The following CREBBP variants were observed in gnomAD, a reference collection of about 807,000 sequenced individuals.
The protein encoded by CREBBP is CREB-binding protein.
In CREBBP, 19 loss-of-function variants were observed where a neutral mutation model predicts 265.0. The observed-to-expected ratio is 0.07, with a 90% CI of 0.05 to 0.11. CREBBP has a LOEUF of 0.11. Ranked by LOEUF, CREBBP falls within the 10% of genes least tolerant of loss-of-function variation. The probability of loss-of-function intolerance (pLI) is 1.00; values close to 1 mark genes in which losing one functional copy is unlikely to be tolerated. For synonymous variants in CREBBP, 1,457 were observed against 1,223.7 expected (o/e 1.19, Z -3.98); for missense variants, 2,525 against 3,219.0 (o/e 0.78, Z 5.22).
At position 3,849,436 on chromosome 16, in the gene CREBBP, T is replaced by TG. The variant is rs1567360344; in HGVS notation, c.798+860dup. Reference sequence around the variant, plus strand: ...GTGTGTGTGTGTGTGTGTGTGTGTGTGTGTGTGTGTGTGTGTGTGTGTGTG... The same window carrying TG: ...GTGTGTGTGTGTGTGTGTGTGTGTGTGGTGTGTGTGTGTGTGTGTGTGTGTG... On this transcript the variant is annotated intron_variant, in intron 2 of 30. Transcript: ENST00000262367. Among the ~76,000 whole-genome samples, 59 of 11,400 alleles carry TG rather than the reference T, an allele frequency of 5.2e-3. 2 individuals are homozygous for TG. The highest frequency in any genetic ancestry group is 0.031 in the East Asian group (2 of 64). The allele number at this position is 11,400 out of a possible 152,430, so 7.5% of individuals were successfully genotyped here. A position where few individuals can be genotyped will look rare whatever the true frequency, so the allele number is the denominator to read the frequency against.
intron 1 of CREBBP, among the ~76,000 whole-genome samples, chr16:3,851,592 A>T (rs2540037): frequency 2.6e-5 from 4 of 151,916 alleles, no homozygotes; most frequent in Admixed American, 6.6e-5. Context: ...TGGTGGCTCA[A>T]GCCTGTAATC....
chr16:3,755,598 T>C (rs1339814300), intron 19 of CREBBP, among the ~76,000 whole-genome samples: 1 of 152,132 alleles, frequency 6.6e-6, no homozygotes, highest in Non-Finnish European at 1.5e-5. Context: ...AATACATTAA[T>C]ACATCATGGG....
intron 2 of CREBBP, among the ~76,000 whole-genome samples, chr16:3,844,667 A>G (rs2054629612): frequency 6.6e-6 from 1 of 152,342 alleles, no homozygotes; most frequent in South Asian, 2.1e-4. Flanking sequence ...TAAAAGTATC[A>G]ATAATGCAAA....
chr16:3,770,484 C>A, intron 14 of CREBBP, 86 bp downstream of exon 14: 2 of 1,475,624 alleles, frequency 1.4e-6, no homozygotes, highest in South Asian at 2.3e-5. Context: ...GTGTGAACCA[C>A]CGCGCCTGGC....
rs576139862 is a variant in CREBBP at position 3,799,482 on chromosome 16, C to T, written c.976-5856G>A. Among the ~76,000 whole-genome samples, 6 of 152,212 alleles carry T rather than the reference C, an allele frequency of 3.9e-5. No homozygotes were observed. The East Asian group carries it at 7.7e-4, about 20-fold the overall frequency. On this transcript the variant is annotated intron_variant, in intron 3 of 30. Coordinates refer to ENST00000262367, the MANE Select transcript of CREBBP (RefSeq NM_004380.3). ...GCAATTCTCAAGTACTCTGGCAATT[C>T]GGTGTAATTTTGGAAAGCAACATGT...
intron 8 of CREBBP, among the ~76,000 whole-genome samples, chr16:3,779,979 G>T (rs892265614): frequency 6.6e-6 from 1 of 151,994 alleles, no homozygotes; most frequent in South Asian, 2.1e-4. Context: ...CGGGTGCGGT[G>T]GCTCATAACC....
intron 1 of CREBBP, among the ~76,000 whole-genome samples, chr16:3,862,692 G>A (rs2055101662): frequency 6.6e-6 from 1 of 151,990 alleles, no homozygotes; most frequent in Non-Finnish European, 1.5e-5. Context: ...CCAAAGTGAC[G>A]CCCTTCCCAC....
chr16:3,757,338 C>T lies in CREBBP; in HGVS notation c.3648G>A (p.Lys1216=), dbSNP rs1164145410. The T allele has an allele frequency of 6.2e-7, 1 of 1,613,838 alleles. No individual in the cohort carries two copies. Among genetic ancestry groups the T allele is most frequent in the Non-Finnish European group, 8.5e-7 (1 of 1,179,968 alleles). Residue 1216 remains lysine, a synonymous_variant, in exon 19 of 31, where the codon AAG becomes AAA. Coordinates refer to ENST00000262367, the MANE Select transcript of CREBBP (RefSeq NM_004380.3). ...CATCGCGAGGAATGGTACACAGCTGCTTCCCATAGCAGCACAAAGTCTGTG... is the reference window on the plus strand; with the variant it reads ...CATCGCGAGGAATGGTACACAGCTGTTTCCCATAGCAGCACAAAGTCTGTG... ...FSPQTLCCYG[K]QLCTIPRDAA...
rs372048515 is a variant in CREBBP, at chr16:3,831,708, G to C, written c.798+18589C>G. ...AAATTCTATCCAAATTAAGAAAAGA[G>C]TACAGAGGCCGGGCATGGTGGCTCA... On this transcript the variant is annotated intron_variant, in intron 2 of 30. Coordinates refer to ENST00000262367, the MANE Select transcript of CREBBP (RefSeq NM_004380.3). 6.6e-5 allele frequency among the ~76,000 whole-genome samples: 10 copies of C among 152,180 alleles called. No individual in the cohort carries two copies. In the South Asian group the frequency reaches 8.3e-4, roughly 13 times the overall value.
At chr16:3,835,973 G>T (rs574289838) in intron 2 of CREBBP, among the ~76,000 whole-genome samples, 1 of 152,008 alleles carries the variant, frequency 6.6e-6, no homozygotes, top group African/African-American at 2.4e-5. Context: ...TCACAAAACA[G>T]AATACCATTT....
chr16:3,802,955 C>T (rs916081303), intron 3 of CREBBP, among the ~76,000 whole-genome samples: 8 of 152,056 alleles, frequency 5.3e-5, no homozygotes, highest in Non-Finnish European at 1.0e-4. Context: ...TGCTCAGGTT[C>T]CCTCATAAGG....
chr16:3,771,833 CAG>C (rs1390240788), intron 13 of CREBBP, among the ~76,000 whole-genome samples: 2 of 138,396 alleles, frequency 1.4e-5, no homozygotes, highest in African/African-American at 2.8e-5. Context: ...AAAAAAAAGA[CAG>C]AGTCTCGCTC....
intron 28 of CREBBP, 98 bp downstream of exon 28, chr16:3,735,938 C>T: frequency 1.2e-6 from 2 of 1,602,888 alleles, no homozygotes; most frequent in South Asian, 1.1e-5. Flanking sequence ...GAGACACCAC[C>T]ACAGGAAGGA....
rs748399111 is a variant in CREBBP at position 3,728,630 on chromosome 16, C to T, written c.6417G>A (p.Leu2139=). ...CAGCCTGCATGGCATTCAGGTTCTG[C>T]AGGCTGGGCTGCTGGTGCATGCCAG... is the stretch of plus-strand genomic sequence containing the variant. ...PQPGMHQQPS[L]QNLNAMQAGV... is the part of the protein sequence containing the mutation. The change falls in exon 31 of 31, where the codon CTG becomes CTA. Residue 2139 remains leucine, a synonymous_variant. Transcript: ENST00000262367. This position sits in a 1 kb window ranked among gnomAD's most constrained non-coding sequence, Gnocchi z 8.7. The T allele has an allele frequency of 5.6e-6, 9 of 1,613,530 alleles. No individual in the cohort carries two copies. The highest frequency in any genetic ancestry group is 4.5e-5 in the East Asian group (2 of 44,870).
intron 1 of CREBBP, among the ~76,000 whole-genome samples, chr16:3,853,254 A>C (rs771674875): frequency 1.3e-5 from 2 of 152,214 alleles, no homozygotes; most frequent in Non-Finnish European, 2.9e-5. Flanking sequence ...GTAAATGCTA[A>C]GTACTGTCTA....
intron 3 of CREBBP, 73 bp downstream of exon 3, chr16:3,810,530 T>G: frequency 2.6e-6 from 4 of 1,550,174 alleles, no homozygotes; most frequent in Non-Finnish European, 3.6e-6. Flanking sequence ...ACTTTCACTG[T>G]GAGAATGGTA....
chr16:3,857,393 A>G (rs767872764), intron 1 of CREBBP, among the ~76,000 whole-genome samples: 1 of 152,330 alleles, frequency 6.6e-6, no homozygotes, highest in South Asian at 2.1e-4. Context: ...AAAAGGCAAG[A>G]TAGGGCGCAC....
In CREBBP at chr16:3,748,816, T is replaced by C. The variant is rs530118673; in HGVS notation, c.3836+811A>G. Among the ~76,000 whole-genome samples, 3 of 152,288 alleles carry C rather than the reference T, an allele frequency of 2.0e-5. No homozygotes were observed. In the East Asian group the frequency reaches 5.8e-4, roughly 29 times the overall value. On this transcript the variant is annotated intron_variant, in intron 21 of 30. Transcript: ENST00000262367. ...TTTAGGGGCTGTTATGAAGCAAGGT[T>C]AGCAAATGCAGCACTCTCACTCATC... is the stretch of plus-strand genomic sequence containing the variant.
chr16:3,771,029 T>G (rs1474918941), intron 13 of CREBBP, 43 bp from the exon 14 acceptor site: 1 of 1,607,742 alleles, frequency 6.2e-7, no homozygotes, highest in Non-Finnish European at 8.5e-7. Context: ...TTTCCCCCGT[T>G]TGAAAATGTG....
Sources: gnomAD v4.1 joint callset for allele counts (sites outside exome capture counted in the v4.1 genomes callset) on GRCh38, gnomAD v4.1.1 for gene constraint, Gnocchi (gnomAD v3.1) non-coding constraint, MANE v1.5 for transcripts, NCBI Gene and HGNC (gene_info 2026-07-23, HGNC 2026-07-21) for gene names.